The following SAMMSON variants were observed in gnomAD, a reference collection of about 807,000 sequenced individuals.
SAMMSON encodes survival associated mitochondrial melanoma specific oncogenic non-coding RNA, also known as long intergenic non-protein coding RNA 1212.
At chr3:70,065,125 C>T (rs1331116832) in intron 3 of SAMMSON, 1 of 151,888 alleles carries the variant, frequency 6.6e-6, no homozygotes, top group Non-Finnish European at 1.5e-5. Flanking sequence ...ACACTTGTTC[C>T]ATTTTTTTAT....
At chr3:70,068,016 A>G (rs1054392498) in intron 3 of SAMMSON, among the ~76,000 whole-genome samples, 2 of 151,976 alleles carry the variant, frequency 1.3e-5, no homozygotes, top group Non-Finnish European at 2.9e-5. Context: ...TGAATTCAGC[A>G]GTTTATAAAT....
intron 6 of SAMMSON, among the ~76,000 whole-genome samples, chr3:70,251,105 T>C (rs1181546811): frequency 6.6e-6 from 1 of 152,158 alleles, no homozygotes; most frequent in Non-Finnish European, 1.5e-5. Flanking sequence ...CAGTGGAGCC[T>C]TATTGTACAA....
intron 1 of SAMMSON, among the ~76,000 whole-genome samples, chr3:70,004,303 A>G (rs999712272): frequency 2.0e-5 from 3 of 152,332 alleles, no homozygotes; most frequent in African/African-American, 7.2e-5. Flanking sequence ...ATGTTATTTT[A>G]TAAAAAATTC....
rs1351619868 is a variant in SAMMSON at position 70,365,979 on chromosome 3, T to C, written n.913+7655T>C. Among the ~76,000 whole-genome samples the C allele has an allele frequency of 5.5e-5, 2 of 36,320 alleles. 1 individual carries two copies. The highest frequency in any genetic ancestry group is 1.2e-4 in the Non-Finnish European group (2 of 16,540). 23.8% of individuals were successfully genotyped at this position (36,320 alleles called of 152,430 possible). A position where few individuals can be genotyped will look rare whatever the true frequency, so the allele number is the denominator to read the frequency against. On this transcript the variant is annotated intron_variant and non_coding_transcript_variant, in intron 9 of 9. Coordinates refer to ENST00000642114, the Ensembl canonical transcript of SAMMSON. ...TTGTGCTTTACCTTTTCTTTTTTTT[T>C]TTTTTTTTTTTTTTTTTTTTTTGAG... is the stretch of plus-strand genomic sequence containing the variant.
At chr3:70,348,504 C>A (rs964670268) in intron 7 of SAMMSON, among the ~76,000 whole-genome samples, 3 of 152,116 alleles carry the variant, frequency 2.0e-5, no homozygotes, top group African/African-American at 7.2e-5. Flanking sequence ...GAGCTCTAGA[C>A]CCTCCATCCC....
At chr3:70,007,170 G>T (rs938352929) in intron 1 of SAMMSON, among the ~76,000 whole-genome samples, 1 of 152,066 alleles carries the variant, frequency 6.6e-6, no homozygotes, top group Non-Finnish European at 1.5e-5. Context: ...CCCAGTAATG[G>T]GATTGCTGGG....
intron 2 of SAMMSON, among the ~76,000 whole-genome samples, chr3:70,403,155 C>A (rs1701154243): frequency 6.6e-6 from 1 of 152,078 alleles, no homozygotes; most frequent in African/African-American, 2.4e-5. Context: ...GCAATGAAAT[C>A]AAATGATGGT....
chr3:70,014,835 T>G (rs1341943756), intron 3 of SAMMSON: 1 of 152,154 alleles, frequency 6.6e-6, no homozygotes, highest in African/African-American at 2.4e-5. Context: ...TGGTGTTAGT[T>G]AAAGATTCAG....
intron 3 of SAMMSON, among the ~76,000 whole-genome samples, chr3:70,044,016 A>G (rs949022447): frequency 6.6e-6 from 1 of 152,046 alleles, no homozygotes; most frequent in Non-Finnish European, 1.5e-5. Flanking sequence ...ATATATATAA[A>G]TCTTGGCATA....
intron 1 of SAMMSON, chr3:70,012,265 G>C (rs897345952): frequency 9.9e-5 from 15 of 152,218 alleles, no homozygotes; most frequent in South Asian, 4.2e-4. Flanking sequence ...TGGAACCTCT[G>C]ACTTTGTTAC....
chr3:70,200,205 C>T (rs1701224214), intron 4 of SAMMSON, among the ~76,000 whole-genome samples: 1 of 152,208 alleles, frequency 6.6e-6, no homozygotes, highest in South Asian at 2.1e-4. Context: ...ACAGCAATAG[C>T]CTCCTGGCAA....
intron 6 of SAMMSON, among the ~76,000 whole-genome samples, chr3:70,277,148 C>G (rs962006883): frequency 7.9e-5 from 12 of 152,128 alleles, no homozygotes; most frequent in Admixed American, 6.5e-5. Flanking sequence ...GCAGTTTTAT[C>G]AAACTTTCCT....
In SAMMSON at chr3:70,085,237, C is replaced by T. The variant is rs147844042; in HGVS notation, n.507+13672C>T. 1.8e-3 allele frequency among the ~76,000 whole-genome samples: 269 copies of T among 152,218 alleles called. 1 individual carries two copies. Among genetic ancestry groups the T allele is most frequent in the African/African-American group, 5.8e-3 (242 of 41,510 alleles). On this transcript the variant is annotated intron_variant and non_coding_transcript_variant, in intron 4 of 9. Coordinates refer to ENST00000642114, the Ensembl canonical transcript of SAMMSON. The stretch of plus-strand genomic sequence containing the variant: ...CCCAATCCTGAAAAAAATATTTTGA[C>T]GGCAAGAAACAGTTAATAGTTATCT...
chr3:70,291,706 T>G (rs1233907732), intron 7 of SAMMSON: 1 of 152,192 alleles, frequency 6.6e-6, no homozygotes, highest in Non-Finnish European at 1.5e-5. Flanking sequence ...AACACAAAAC[T>G]CCTGTGAGTC....
At chr3:70,194,220 T>C (rs2106714002) in intron 4 of SAMMSON, among the ~76,000 whole-genome samples, 1 of 152,364 alleles carries the variant, frequency 6.6e-6, no homozygotes, top group East Asian at 1.9e-4. Flanking sequence ...TTGTATGTTC[T>C]TAAATCTCTT....
chr3:70,118,407 C>T (rs1046363739), intron 4 of SAMMSON, among the ~76,000 whole-genome samples: 9 of 152,118 alleles, frequency 5.9e-5, no homozygotes, highest in Non-Finnish European at 1.3e-4. Context: ...CCTGAGATGT[C>T]TGTTAGAATC....
At chr3:70,182,543 A>G (rs887634660) in intron 4 of SAMMSON, among the ~76,000 whole-genome samples, 9 of 152,100 alleles carry the variant, frequency 5.9e-5, no homozygotes, top group Non-Finnish European at 1.3e-4. Context: ...AGCTCATGCT[A>G]AGGAATTGTT....
chr3:70,394,825 G>A (rs1027185404), downstream of SAMMSON, among the ~76,000 whole-genome samples: 3 of 152,148 alleles, frequency 2.0e-5, no homozygotes, highest in East Asian at 3.9e-4. Flanking sequence ...GGAACCAAGA[G>A]CTGATTGAAA....
intron 4 of SAMMSON, among the ~76,000 whole-genome samples, chr3:70,177,320 C>T (rs1309723408): frequency 7.9e-5 from 12 of 152,192 alleles, no homozygotes; most frequent in Admixed American, 7.9e-4. Context: ...GCCATCCATT[C>T]ATAATAATCT....
Sources: gnomAD v4.1 joint callset for allele counts (sites outside exome capture counted in the v4.1 genomes callset) on GRCh38, gnomAD v4.1.1 for gene constraint, MANE v1.5 for transcripts, NCBI Gene and HGNC (gene_info 2026-07-23, HGNC 2026-07-21) for gene names.